SDC3: variants seen among roughly 807,000 people sequenced by gnomAD.
SDC3 encodes syndecan-3.
SDC3 carries 13 observed loss-of-function variants against 24.4 expected under a neutral mutation model. The ratio of observed to expected loss-of-function variants is 0.53; its 90% CI spans 0.35 to 0.85. The LOEUF (loss-of-function observed/expected upper bound fraction) is 0.85, where lower values mean the gene tolerates loss of function less well. Ranked by LOEUF, SDC3 falls within the 40% of genes least tolerant of loss-of-function variation. The pLI is 0.01. For synonymous variants in SDC3, 295 were observed against 260.9 expected, an observed-to-expected ratio of 1.13 and a Z score of -1.26; for missense variants, 571 against 584.5, an observed-to-expected ratio of 0.98 and a Z score of 0.24.
intron 1 of SDC3, among the ~76,000 whole-genome samples, chr1:30,905,873 C>G (rs201120457): frequency 2.0e-4 from 18 of 90,526 alleles, no homozygotes; most frequent in African/African-American, 8.2e-4. Flanking sequence ...GACACACAAA[C>G]ACACACACAC....
At chr1:30,879,105 G>C (rs542994772) in intron 1 of SDC3, 1 of 205,434 alleles carries the variant, frequency 4.9e-6, no homozygotes, top group African/African-American at 2.3e-5. Flanking sequence ...GGAGCCCTGG[G>C]GCATGTGTGA....
chr1:30,890,324 A>G (rs1639886534), intron 1 of SDC3, among the ~76,000 whole-genome samples: 1 of 152,224 alleles, frequency 6.6e-6, no homozygotes, highest in Non-Finnish European at 1.5e-5. Flanking sequence ...AAACAAATGA[A>G]CTAATACTGA....
At chr1:30,897,473 C>G (rs558178686) in intron 1 of SDC3, among the ~76,000 whole-genome samples, 1 of 152,310 alleles carries the variant, frequency 6.6e-6, no homozygotes, top group Admixed American at 6.5e-5. Context: ...GGGTTAGCCT[C>G]TGCCCATAGC....
intron 1 of SDC3, among the ~76,000 whole-genome samples, chr1:30,895,939 C>G (rs989527432): frequency 1.8e-4 from 27 of 152,072 alleles, no homozygotes; most frequent in Non-Finnish European, 7.4e-5. Context: ...AGGAGAAGGT[C>G]TCCTCAAAAC....
intron 1 of SDC3, among the ~76,000 whole-genome samples, chr1:30,887,242 C>T (rs577029754): frequency 6.6e-5 from 10 of 151,980 alleles, no homozygotes; most frequent in African/African-American, 1.4e-4. Context: ...GGCTCCATGA[C>T]GGTCACTGCC....
At position 30,892,017 on chromosome 1, in the gene SDC3, A is replaced by AC. The variant is rs554795705; in HGVS notation, c.139-13278dup. 1.2e-3 allele frequency among the ~76,000 whole-genome samples: 183 copies of AC among 150,800 alleles called. 1 individual carries two copies. The highest frequency in any genetic ancestry group is 2.6e-3 in the African/African-American group (108 of 40,980). On this transcript the variant is annotated intron_variant, in intron 1 of 4. Coordinates refer to ENST00000339394, the MANE Select transcript of SDC3 (RefSeq NM_014654.4). ...GGGAGCCAAAGAAAACCCAGTGCTC[A>AC]CCCCCCCAACCCAACATCCTCCTCC...
At chr1:30,901,870 A>T (rs1267376363) in intron 1 of SDC3, among the ~76,000 whole-genome samples, 5 of 152,120 alleles carry the variant, frequency 3.3e-5, no homozygotes, top group Non-Finnish European at 1.5e-5. Context: ...TACTTTATTT[A>T]CTTTATTACT....
intron 1 of SDC3, among the ~76,000 whole-genome samples, chr1:30,890,266 C>T (rs1172129441): frequency 6.6e-6 from 1 of 152,144 alleles, no homozygotes; most frequent in African/African-American, 2.4e-5. Context: ...GAGATCATGC[C>T]ATTGCACCCC....
At chr1:30,901,721 A>C (rs2124343350) in intron 1 of SDC3, among the ~76,000 whole-genome samples, 1 of 152,046 alleles carries the variant, frequency 6.6e-6, no homozygotes, top group East Asian at 1.9e-4. Flanking sequence ...CTCTCTCCAA[A>C]AGAAAACCCT....
At chr1:30,908,869 C>G (rs1441476703), upstream of SDC3, 2 of 350 alleles carry the variant, frequency 5.7e-3, no homozygotes, top group African/African-American at 0.091. Context: ...GTGCGCCCCC[C>G]GCGGGGCTCC....
At chr1:30,900,244 T>C (rs1295249485) in intron 1 of SDC3, among the ~76,000 whole-genome samples, 1 of 152,170 alleles carries the variant, frequency 6.6e-6, no homozygotes, top group African/African-American at 2.4e-5. Context: ...CCCACTGAGA[T>C]AAAGCATGTT....
intron 1 of SDC3, among the ~76,000 whole-genome samples, chr1:30,884,310 ACACCCTCC>A (rs1416565671): frequency 6.6e-6 from 1 of 150,716 alleles, no homozygotes; most frequent in Non-Finnish European, 1.5e-5. Context: ...GCCCAGACAC[ACACCCTCC>A]CACTCGCCCC....
intron 1 of SDC3, among the ~76,000 whole-genome samples, chr1:30,903,256 G>T (rs1398839798): frequency 6.6e-6 from 1 of 152,154 alleles, no homozygotes; most frequent in Non-Finnish European, 1.5e-5. Context: ...AGGCAGGCCT[G>T]GTCACCTCTG....
intron 1 of SDC3, among the ~76,000 whole-genome samples, chr1:30,906,606 A>T (rs1260624512): frequency 1.3e-5 from 2 of 152,092 alleles, no homozygotes; most frequent in Non-Finnish European, 2.9e-5. Context: ...TGCACACCAC[A>T]TGACTCCTGA....
chr1:30,885,659 C>G (rs1042340444), intron 1 of SDC3, among the ~76,000 whole-genome samples: 1 of 152,234 alleles, frequency 6.6e-6, no homozygotes, highest in Non-Finnish European at 1.5e-5. Flanking sequence ...GCAGGGCCCA[C>G]GGCCCAACCG....
At position 30,872,819 on chromosome 1, in the gene SDC3, CT is replaced by C; in HGVS notation, c.*391del. 1 of 213,946 alleles carries C rather than the reference CT, an allele frequency of 4.7e-6. No individual in the cohort carries two copies. Among genetic ancestry groups the C allele is most frequent in the Non-Finnish European group, 9.4e-6 (1 of 106,450 alleles). The allele number at this position is 213,946 out of a possible 1,614,324, so 13.3% of individuals were successfully genotyped here. A position where few individuals can be genotyped will look rare whatever the true frequency, so the allele number is the denominator to read the frequency against. On this transcript the variant is annotated 3_prime_UTR_variant, in exon 5 of 5. Coordinates refer to ENST00000339394, the MANE Select transcript of SDC3 (RefSeq NM_014654.4). Reference sequence around the variant, plus strand: ...CCTGGAAACCAGCCTGAGTGCCTCTCTGCCCCAAAAAGGAGATCTCAGTGAG... The same window carrying C: ...CCTGGAAACCAGCCTGAGTGCCTCTCGCCCCAAAAAGGAGATCTCAGTGAG...
At chr1:30,908,381 G>T in intron 1 of SDC3, 68 bp downstream of exon 1, 2 of 947,146 alleles carry the variant, frequency 2.1e-6, no homozygotes, top group Non-Finnish European at 1.3e-6. Context: ...TCGCGGGCGG[G>T]GACCGGCACC....
chr1:30,890,554 G>A (rs993342391), intron 1 of SDC3, among the ~76,000 whole-genome samples: 8 of 152,102 alleles, frequency 5.3e-5, no homozygotes, highest in African/African-American at 1.4e-4. Context: ...TGATAAAAAC[G>A]TTCTAAATTT....
At chr1:30,882,666 C>T (rs1639763412) in intron 1 of SDC3, among the ~76,000 whole-genome samples, 1 of 152,202 alleles carries the variant, frequency 6.6e-6, no homozygotes, top group Non-Finnish European at 1.5e-5. Flanking sequence ...ATCACTCACT[C>T]TGAGTGCAGG....
Sources: allele counts gnomAD v4.1 joint callset (sites outside exome capture counted in the v4.1 genomes callset), GRCh38; gene constraint gnomAD v4.1.1; transcripts MANE v1.5; gene names NCBI Gene and HGNC (gene_info 2026-07-23, HGNC 2026-07-21).